The following FAM107B variants were observed in gnomAD, a reference collection of about 807,000 sequenced individuals.
FAM107B encodes the protein protein FAM107B.
In FAM107B, 21 loss-of-function variants were observed where a neutral mutation model predicts 31.5. The observed-to-expected ratio is 0.67, with a 90% CI of 0.47 to 0.96. FAM107B has a LOEUF of 0.96. Ranked by LOEUF, FAM107B falls within the 40% of genes least tolerant of loss-of-function variation. FAM107B has a pLI of 0.00. For missense variants in FAM107B, 452 were observed against 377.1 expected (o/e 1.20, Z -1.64); for synonymous variants, 157 against 141.5 (o/e 1.11, Z -0.78).
Position 14,740,887 on chromosome 10 carries a change from A to G in FAM107B, c.411+33366T>C, listed in dbSNP as rs1856420646. On this transcript the variant is annotated intron_variant, in intron 1 of 4. Transcript: ENST00000181796. ...CTGGACTATTCAGCTGCAAGTCAAT[A>G]CATCCTCTTTTTAGCTTAAGCAAGT... 6.6e-5 allele frequency among the ~76,000 whole-genome samples: 10 copies of G among 152,330 alleles called. No homozygotes were observed. In the South Asian group the frequency reaches 2.1e-3, roughly 32 times the overall value.
chr10:14,747,565 C>T (rs925269199), intron 1 of FAM107B, among the ~76,000 whole-genome samples: 3 of 152,126 alleles, frequency 2.0e-5, no homozygotes, highest in African/African-American at 7.2e-5. Context: ...AGGGTGGCTG[C>T]AGTTTGCTGG....
intron 2 of FAM107B, among the ~76,000 whole-genome samples, chr10:14,533,569 T>C (rs1847271793): frequency 1.3e-5 from 2 of 152,236 alleles, no homozygotes; most frequent in East Asian, 1.9e-4. Flanking sequence ...ACTGGCCCTC[T>C]GCAGTCTCAG....
chr10:14,712,381 G>C (rs1012985278), intron 1 of FAM107B, among the ~76,000 whole-genome samples: 1 of 151,924 alleles, frequency 6.6e-6, no homozygotes, highest in African/African-American at 2.4e-5. Context: ...ATTTGAGGTT[G>C]GCAGTTCAAG....
chr10:14,624,738 A>G (rs7902538), intron 2 of FAM107B, among the ~76,000 whole-genome samples: 6,364 of 152,314 alleles, frequency 0.042, 205 homozygotes, highest in African/African-American at 0.09. Context: ...AATGTCATAA[A>G]ATAACTAAAG....
chr10:14,519,382 T>C lies in FAM107B; in HGVS notation c.*1808A>G, dbSNP rs1251064105. On this transcript the variant is annotated 3_prime_UTR_variant, in exon 5 of 5. Coordinates refer to ENST00000181796, the MANE Select transcript of FAM107B (RefSeq NM_031453.4). ...CTAGTCCACAGACACAAAGAAAGAA[T>C]TCCAGTCAACGTGCAATCAGAAATG... 3 of 152,140 alleles carry C rather than the reference T, an allele frequency of 2.0e-5. No homozygotes were observed. The highest frequency in any genetic ancestry group is 1.9e-4 in the East Asian group (1 of 5,198). 9.4% of individuals were successfully genotyped at this position (152,140 alleles called of 1,614,324 possible).
intron 1 of FAM107B, among the ~76,000 whole-genome samples, chr10:14,739,600 T>C (rs1856388963): frequency 1.3e-5 from 2 of 151,616 alleles, no homozygotes; most frequent in Non-Finnish European, 2.9e-5. Flanking sequence ...GTGCCTGGCA[T>C]ATAGTAAGTG....
chr10:14,604,819 C>G (rs1564597370), intron 2 of FAM107B, among the ~76,000 whole-genome samples: 1 of 152,054 alleles, frequency 6.6e-6, no homozygotes, highest in East Asian at 1.9e-4. Flanking sequence ...CCCTTAATCT[C>G]TTTCTCTCTC....
intron 1 of FAM107B, among the ~76,000 whole-genome samples, chr10:14,754,234 C>T (rs1449780747): frequency 6.6e-6 from 1 of 152,100 alleles, no homozygotes; most frequent in African/African-American, 2.4e-5. Flanking sequence ...CCACCTTGCC[C>T]GGCCACCAGT....
chr10:14,680,561 G>T (rs897522453), intron 1 of FAM107B, among the ~76,000 whole-genome samples: 3 of 126,390 alleles, frequency 2.4e-5, no homozygotes, highest in African/African-American at 9.1e-5. Context: ...GCAACAGAGC[G>T]AGACTCTGTC....
At chr10:14,523,859 T>G (rs528561704) in intron 3 of FAM107B, among the ~76,000 whole-genome samples, 42 of 151,698 alleles carry the variant, frequency 2.8e-4, no homozygotes, top group Admixed American at 2.7e-3. Context: ...AAAATCGGTA[T>G]ATTCCATCTT....
intron 1 of FAM107B, among the ~76,000 whole-genome samples, chr10:14,738,001 A>G (rs570379985): frequency 2.2e-4 from 34 of 152,252 alleles, no homozygotes; most frequent in African/African-American, 7.9e-4. Context: ...CGCTAATGCC[A>G]CCACTCTAGA....
chr10:14,553,712 C>G (rs962302907), intron 2 of FAM107B, among the ~76,000 whole-genome samples: 2 of 152,144 alleles, frequency 1.3e-5, no homozygotes, highest in African/African-American at 4.8e-5. Context: ...GAAACTCAGC[C>G]CAGCTCTGCC....
At chr10:14,604,210 G>C in intron 2 of FAM107B, 1 of 979,616 alleles carries the variant, frequency 1.0e-6, no homozygotes, top group Non-Finnish European at 1.2e-6. Flanking sequence ...TCGTCTTTGT[G>C]TGGAAAGTAA....
intron 1 of FAM107B, among the ~76,000 whole-genome samples, chr10:14,674,595 G>A (rs182293614): frequency 3.3e-5 from 5 of 152,156 alleles, no homozygotes; most frequent in Admixed American, 2.6e-4. Flanking sequence ...CTTAGCGTGA[G>A]TACAAACTCC....
intron 1 of FAM107B, among the ~76,000 whole-genome samples, chr10:14,685,129 A>G (rs545755246): frequency 1.4e-5 from 2 of 144,838 alleles, no homozygotes; most frequent in South Asian, 2.2e-4. Context: ...CGCCCAGCCA[A>G]TAACATCCTT....
intron 2 of FAM107B, among the ~76,000 whole-genome samples, chr10:14,613,475 C>T (rs1445664244): frequency 6.6e-6 from 1 of 152,216 alleles, no homozygotes; most frequent in Non-Finnish European, 1.5e-5. Context: ...AACTTCCTTA[C>T]TTACCCCATG....
chr10:14,581,353 C>T (rs975633539), intron 2 of FAM107B, among the ~76,000 whole-genome samples: 1 of 152,172 alleles, frequency 6.6e-6, no homozygotes, highest in South Asian at 2.1e-4. Context: ...AATGTGGCTG[C>T]GGTAGGGTGC....
rs41284444 is a variant in FAM107B at position 14,519,958 on chromosome 10, C to T, written c.*1232G>A. 11,491 of 152,690 alleles carry T rather than the reference C, an allele frequency of 0.075. 512 individuals carry two copies. Among genetic ancestry groups the T allele is most frequent in the Non-Finnish European group, 0.1 (6,976 of 68,016 alleles). 9.5% of individuals were successfully genotyped at this position (152,690 alleles called of 1,614,324 possible). ...CTCGGCCCCCTCTCTGAGGAGCGTG[C>T]TGCTAGCTAGAACAAGGGAACTCAG... On this transcript the variant is annotated 3_prime_UTR_variant, in exon 5 of 5. Coordinates refer to ENST00000181796, the MANE Select transcript of FAM107B (RefSeq NM_031453.4).
chr10:14,693,489 A>AC (rs1401718747), intron 1 of FAM107B, among the ~76,000 whole-genome samples: 44 of 151,502 alleles, frequency 2.9e-4, no homozygotes, highest in African/African-American at 1.0e-3. Flanking sequence ...AAAAAAAAAA[A>AC]GGTATACAAC....
Sources: allele counts gnomAD v4.1 joint callset (sites outside exome capture counted in the v4.1 genomes callset), GRCh38; gene constraint gnomAD v4.1.1; transcripts MANE v1.5; gene names NCBI Gene and HGNC (gene_info 2026-07-23, HGNC 2026-07-21).